GRXCR1: variants seen among roughly 807,000 people sequenced by gnomAD.
GRXCR1 encodes glutaredoxin and cysteine rich domain containing 1.
GRXCR1 carries 27 observed loss-of-function variants against 27.3 expected under a neutral mutation model. The observed-to-expected ratio is 0.99, with a 90% CI of 0.73 to 1.37. The LOEUF is 1.37. Among genes scored for constraint, GRXCR1 ranks in the 40% most tolerant of loss-of-function variants. The pLI is 0.00. For missense variants in GRXCR1, 379 were observed against 354.4 expected, an observed-to-expected ratio of 1.07 and a Z score of -0.56; for synonymous variants, 122 against 131.1, an observed-to-expected ratio of 0.93 and a Z score of 0.47.
intron 2 of GRXCR1, among the ~76,000 whole-genome samples, chr4:42,963,822 A>G (rs1331903344): frequency 2.0e-5 from 3 of 151,980 alleles, no homozygotes; most frequent in African/African-American, 7.2e-5. Flanking sequence ...GGTGAGAGCA[A>G]AGAGCCAAGG....
intron 2 of GRXCR1, among the ~76,000 whole-genome samples, chr4:42,985,850 G>C (rs960114918): frequency 2.5e-4 from 38 of 152,026 alleles, no homozygotes; most frequent in African/African-American, 9.2e-4. Flanking sequence ...GTCTAATCCT[G>C]AAGCAAACAT....
intron 3 of GRXCR1, among the ~76,000 whole-genome samples, chr4:43,023,508 A>T (rs1461355825): frequency 6.6e-6 from 1 of 152,192 alleles, no homozygotes; most frequent in Non-Finnish European, 1.5e-5. Flanking sequence ...AGTGGCCTCA[A>T]ACGTGAGGAG....
intron 2 of GRXCR1, among the ~76,000 whole-genome samples, chr4:42,991,701 C>A (rs1454716941): frequency 6.6e-6 from 1 of 152,036 alleles, no homozygotes. Flanking sequence ...TGGTATTGTA[C>A]AACATATTTC....
At chr4:42,951,360 G>T (rs188583692) in intron 1 of GRXCR1, among the ~76,000 whole-genome samples, 107 of 152,216 alleles carry the variant, frequency 7.0e-4, no homozygotes, top group Non-Finnish European at 1.6e-4. Context: ...TGTTTAATCA[G>T]ATATCTGAGC....
At chr4:42,970,458 G>A (rs1748359351) in intron 2 of GRXCR1, among the ~76,000 whole-genome samples, 1 of 152,158 alleles carries the variant, frequency 6.6e-6, no homozygotes, top group Admixed American at 6.5e-5. Flanking sequence ...AATCTAAGAG[G>A]AGGTTCCCAA....
intron 1 of GRXCR1, among the ~76,000 whole-genome samples, chr4:42,929,067 G>T (rs1330939052): frequency 6.6e-6 from 1 of 151,912 alleles, no homozygotes; most frequent in East Asian, 1.9e-4. Context: ...TACCTTATTT[G>T]GTTGCAAAAA....
At chr4:42,986,662 T>G (rs954322611) in intron 2 of GRXCR1, among the ~76,000 whole-genome samples, 2 of 152,220 alleles carry the variant, frequency 1.3e-5, no homozygotes, top group African/African-American at 2.4e-5. Flanking sequence ...GAATGACTTA[T>G]AATAAACAGA....
At chr4:42,987,248 A>ATAT (rs370379241) in intron 2 of GRXCR1, among the ~76,000 whole-genome samples, 1 of 67,554 alleles carries the variant, frequency 1.5e-5, no homozygotes, top group African/African-American at 5.2e-5. Flanking sequence ...TATAATATAT[A>ATAT]ATATATATAT....
intron 1 of GRXCR1, among the ~76,000 whole-genome samples, chr4:42,912,320 T>C (rs1746739822): frequency 6.6e-6 from 1 of 152,202 alleles, no homozygotes; most frequent in South Asian, 2.1e-4. Context: ...TACAAAGACT[T>C]AGTATTGAAA....
intron 3 of GRXCR1, among the ~76,000 whole-genome samples, chr4:43,024,038 A>G (rs1391964506): frequency 2.6e-5 from 4 of 152,098 alleles, no homozygotes; most frequent in South Asian, 2.1e-4. Flanking sequence ...GTGCTGAGAT[A>G]TATTACCATA....
rs1032674415 is a variant in GRXCR1, at chr4:42,973,267, A to G, written c.627+10133A>G. Among the ~76,000 whole-genome samples the G allele has an allele frequency of 3.3e-5, 5 of 152,144 alleles. No homozygotes were observed. In the East Asian group the frequency reaches 5.8e-4, roughly 18 times the overall value. Reference sequence around the variant, plus strand: ...CCAAACCATAACAAAGAGATATACAACAAGGTTGTATTGTCAGCGTTATCT... The same window carrying G: ...CCAAACCATAACAAAGAGATATACAGCAAGGTTGTATTGTCAGCGTTATCT... On this transcript the variant is annotated intron_variant, in intron 2 of 3. Coordinates refer to ENST00000399770, the MANE Select transcript of GRXCR1 (RefSeq NM_001080476.3).
At chr4:42,985,279 CTTAAT>C (rs1198643793) in intron 2 of GRXCR1, among the ~76,000 whole-genome samples, 1 of 152,076 alleles carries the variant, frequency 6.6e-6, no homozygotes, top group African/African-American at 2.4e-5. Context: ...ACTAACCATT[CTTAAT>C]TTGATTGAAG....
chr4:43,021,891 A>T (rs1713104125), intron 3 of GRXCR1, among the ~76,000 whole-genome samples: 1 of 152,136 alleles, frequency 6.6e-6, no homozygotes, highest in Admixed American at 6.6e-5. Context: ...TGGAAATCAG[A>T]AGATTTTTAG....
At position 42,962,932 on chromosome 4, in the gene GRXCR1, A is replaced by G. The variant is rs776001788; in HGVS notation, c.425A>G (p.Tyr142Cys). The change falls in exon 2 of 4, where the codon TAT (tyrosine) becomes TGT (cysteine). Residue 142 changes from tyrosine (Y) to cysteine (C), a missense_variant. Coordinates refer to ENST00000399770, the MANE Select transcript of GRXCR1 (RefSeq NM_001080476.3). ...CTAGAATTTGACCGTGTAGTGATTT[A>G]TACCACCTGCCTTCGTGTGGTCCGG... Reference protein sequence around the residue: ...TDLEFDRVVIYTTCLRVVRTT... With the variant: ...TDLEFDRVVICTTCLRVVRTT... The G allele has an allele frequency of 2.5e-6, 4 of 1,612,660 alleles. No homozygotes were observed. The Admixed American group carries it at 5.0e-5, about 20-fold the overall frequency.
chr4:42,946,147 C>T (rs1747739769), intron 1 of GRXCR1, among the ~76,000 whole-genome samples: 1 of 151,998 alleles, frequency 6.6e-6, no homozygotes, highest in African/African-American at 2.4e-5. Context: ...TGATATATAC[C>T]CAGTGGAATA....
chr4:42,920,614 T>C (rs1449639443), intron 1 of GRXCR1, among the ~76,000 whole-genome samples: 1 of 152,148 alleles, frequency 6.6e-6, no homozygotes, highest in Non-Finnish European at 1.5e-5. Context: ...CCAGTGCATG[T>C]CAGTGGGTCC....
chr4:42,917,192 T>C (rs2109748588), intron 1 of GRXCR1, among the ~76,000 whole-genome samples: 1 of 152,266 alleles, frequency 6.6e-6, no homozygotes, highest in Non-Finnish European at 1.5e-5. Context: ...TGTCTATCTA[T>C]TTATCAAGTG....
At chr4:42,969,567 C>T (rs544919261) in intron 2 of GRXCR1, among the ~76,000 whole-genome samples, 14 of 152,036 alleles carry the variant, frequency 9.2e-5, no homozygotes, top group Middle Eastern at 3.4e-3. Context: ...AGAGAGGGAT[C>T]GAGAGAGCAA....
At chr4:42,930,969 G>A (rs187084855) in intron 1 of GRXCR1, among the ~76,000 whole-genome samples, 1 of 152,030 alleles carries the variant, frequency 6.6e-6, no homozygotes, top group African/African-American at 2.4e-5. Context: ...AGTAGGATTA[G>A]TAACAACAGT....
Sources: gnomAD v4.1 joint callset for allele counts (sites outside exome capture counted in the v4.1 genomes callset) on GRCh38, gnomAD v4.1.1 for gene constraint, MANE v1.5 for transcripts, NCBI Gene and HGNC (gene_info 2026-07-23, HGNC 2026-07-21) for gene names.